Variants in ALK observed in about 807,000 individuals in gnomAD.
ALK encodes ALK tyrosine kinase receptor.
Under a neutral mutation model 163.1 loss-of-function variants are expected in ALK, and 74 were observed. The ratio of observed to expected loss-of-function variants is 0.45; its 90% CI spans 0.38 to 0.55. ALK has a LOEUF of 0.55. Among genes scored for constraint, ALK ranks in the 20% least tolerant of loss-of-function variants. The probability of loss-of-function intolerance (pLI) is 0.00; values close to 1 mark genes in which losing one functional copy is unlikely to be tolerated. For synonymous variants in ALK, 960 were observed against 843.2 expected, an observed-to-expected ratio of 1.14 and a Z score of -2.40; for missense variants, 2,063 against 2,105.3, an observed-to-expected ratio of 0.98 and a Z score of 0.39.
chr2:29,796,364 G>A (rs1270927464), intron 1 of ALK, among the ~76,000 whole-genome samples: 1 of 152,054 alleles, frequency 6.6e-6, no homozygotes, highest in Admixed American at 6.6e-5. Flanking sequence ...AAAATTACTG[G>A]AACTGATAAG....
chr2:29,789,659 T>A (rs1415106915), intron 1 of ALK, among the ~76,000 whole-genome samples: 1 of 152,194 alleles, frequency 6.6e-6, no homozygotes, highest in East Asian at 1.9e-4. Context: ...ACCCCTAGAC[T>A]GGGGTGAATG....
chr2:29,852,804 C>T (rs1666031203), intron 1 of ALK, among the ~76,000 whole-genome samples: 1 of 151,182 alleles, frequency 6.6e-6, no homozygotes, highest in Admixed American at 6.6e-5. Flanking sequence ...GATTAGTGCC[C>T]TTAGAAAGGG....
chr2:29,360,596 G>C (rs893935235), intron 5 of ALK, among the ~76,000 whole-genome samples: 1 of 152,138 alleles, frequency 6.6e-6, no homozygotes, highest in African/African-American at 2.4e-5. Flanking sequence ...GTAGGTGTTA[G>C]GTGATGTGAG....
intron 2 of ALK, among the ~76,000 whole-genome samples, chr2:29,717,115 T>C (rs1390114576): frequency 1.6e-5 from 2 of 128,012 alleles, no homozygotes; most frequent in African/African-American, 6.0e-5. Context: ...GAGCTTGCAG[T>C]GGGCCGAGAT....
intron 4 of ALK, among the ~76,000 whole-genome samples, chr2:29,420,551 G>C (rs1669992324): frequency 6.6e-6 from 1 of 151,362 alleles, no homozygotes; most frequent in Non-Finnish European, 1.5e-5. Context: ...TCCTAACACA[G>C]CTGGTTCAAA....
At chr2:29,479,276 T>C (rs1056534216) in intron 4 of ALK, among the ~76,000 whole-genome samples, 6 of 152,166 alleles carry the variant, frequency 3.9e-5, no homozygotes, top group African/African-American at 1.2e-4. Flanking sequence ...CAGCAGGAGA[T>C]AGTAGTAGGT....
At position 29,368,526 on chromosome 2, in the gene ALK, G is replaced by C. The variant is rs780659844; in HGVS notation, c.1282+15206C>G. ...AGTAAAGTCTCCTGCCTTGGTTCTA[G>C]AAGTAGGGCTTCTTGTTGCAAAATC... is the stretch of plus-strand genomic sequence containing the variant. On this transcript the variant is annotated intron_variant, in intron 5 of 28. Transcript: ENST00000389048. 1.7e-3 allele frequency among the ~76,000 whole-genome samples: 252 copies of C among 152,312 alleles called. 1 individual carries two copies. The highest frequency in any genetic ancestry group is 2.8e-3 in the Non-Finnish European group (192 of 68,024).
At chr2:29,740,237 C>A (rs576231320) in intron 1 of ALK, among the ~76,000 whole-genome samples, 1 of 152,128 alleles carries the variant, frequency 6.6e-6, no homozygotes, top group South Asian at 2.1e-4. Flanking sequence ...AGAGCTCTAT[C>A]AGCTTCACGA....
rs1491009611 is a variant in ALK at position 29,391,306 on chromosome 2, G to GC, written c.1155-7448_1155-7447insG. Among the ~76,000 whole-genome samples, 2 of 37,228 alleles carry GC rather than the reference G, an allele frequency of 5.4e-5. 1 individual carries two copies. Among genetic ancestry groups the GC allele is most frequent in the South Asian group, 1.2e-3 (2 of 1,646 alleles). 24.4% of individuals were successfully genotyped at this position (37,228 alleles called of 152,430 possible). On this transcript the variant is annotated intron_variant, in intron 4 of 28. Transcript: ENST00000389048. ...CTCCTTTTCCTAGCCTCTTTTTTTT[G>GC]GGGGGGGGGTGGTGGTGTGGAGTGT...
rs1401696740 is a variant in ALK, at chr2:29,206,773, A to C, written c.3938+398T>G. 2.8e-5 allele frequency among the ~76,000 whole-genome samples: 3 copies of C among 107,962 alleles called. No homozygotes were observed. The Admixed American group carries it at 3.1e-4, about 11-fold the overall frequency. The allele number at this position is 107,962 out of a possible 152,430, so 70.8% of individuals were successfully genotyped here. A position where few individuals can be genotyped will look rare whatever the true frequency, so the allele number is the denominator to read the frequency against. ...TTAATGCAACTAAAAGACTCCCTTT[A>C]TTGGTGTGTGTGTGTGTGTGTGTGT... On this transcript the variant is annotated intron_variant, in intron 26 of 28. Coordinates refer to ENST00000389048, the MANE Select transcript of ALK (RefSeq NM_004304.5).
At chr2:29,225,419 C>T (rs930951152) in intron 19 of ALK, 42 bp downstream of exon 19, 20 of 1,534,050 alleles carry the variant, frequency 1.3e-5, no homozygotes, top group Non-Finnish European at 1.7e-5. Context: ...TCAGTCCTGC[C>T]TTCCTGCCCC....
chr2:29,862,602 T>C (rs982805234), intron 1 of ALK, among the ~76,000 whole-genome samples: 14 of 152,174 alleles, frequency 9.2e-5, no homozygotes, highest in African/African-American at 3.4e-4. Flanking sequence ...TTATAAAACA[T>C]TGATGAAAGA....
Position 29,919,977 on chromosome 2 carries a change from G to C in ALK, c.667+16C>G, listed in dbSNP as rs768827717. On this transcript the variant is annotated intron_variant, in intron 1 of 28. Coordinates refer to ENST00000389048, the MANE Select transcript of ALK (RefSeq NM_004304.5). ...AAAACACTAAATCCCGGCACACTCA[G>C]GCGGGAGCTGCTCACCAGTCCCGAA... 28 of 1,612,122 alleles carry C rather than the reference G, an allele frequency of 1.7e-5. No individual in the cohort carries two copies. The highest frequency in any genetic ancestry group is 2.4e-5 in the Non-Finnish European group (28 of 1,178,616).
chr2:29,714,444 T>C (rs533747060), intron 2 of ALK, among the ~76,000 whole-genome samples: 2 of 152,302 alleles, frequency 1.3e-5, no homozygotes, highest in South Asian at 4.1e-4. Context: ...ATAAATCTTA[T>C]TAGCCTCTTT....
chr2:29,289,074 C>T (rs1665947091), intron 9 of ALK, among the ~76,000 whole-genome samples: 1 of 152,028 alleles, frequency 6.6e-6, no homozygotes, highest in Admixed American at 6.5e-5. Context: ...ATTTAAACTA[C>T]TCTGAGTCAC....
intron 4 of ALK, among the ~76,000 whole-genome samples, chr2:29,390,088 C>T (rs556985500): frequency 3.0e-4 from 45 of 152,298 alleles, no homozygotes; most frequent in Non-Finnish European, 5.6e-4. Flanking sequence ...GTTTAAAATG[C>T]AGGTTGGCAT....
intron 1 of ALK, among the ~76,000 whole-genome samples, chr2:29,896,937 A>G (rs1667287623): frequency 6.6e-6 from 1 of 152,250 alleles, no homozygotes; most frequent in Non-Finnish European, 1.5e-5. Flanking sequence ...CTAGTGAAGG[A>G]GAAAGAGCCT....
At chr2:29,730,918 G>A (rs772128231) in intron 1 of ALK, among the ~76,000 whole-genome samples, 1 of 151,970 alleles carries the variant, frequency 6.6e-6, no homozygotes, top group African/African-American at 2.4e-5. Context: ...AATGAGAAGA[G>A]CAAGATGCAC....
At chr2:29,285,031 G>T (rs1665815842) in intron 9 of ALK, among the ~76,000 whole-genome samples, 1 of 152,152 alleles carries the variant, frequency 6.6e-6, no homozygotes, top group Non-Finnish European at 1.5e-5. Flanking sequence ...ATTTTAAGTA[G>T]CCCATGTCTA....
Sources: gnomAD v4.1 joint callset for allele counts (sites outside exome capture counted in the v4.1 genomes callset) on GRCh38, gnomAD v4.1.1 for gene constraint, MANE v1.5 for transcripts, NCBI Gene and HGNC (gene_info 2026-07-23, HGNC 2026-07-21) for gene names.